The following CSMD1 variants were observed in gnomAD, a reference collection of about 807,000 sequenced individuals.
CSMD1 encodes the protein CUB and Sushi multiple domains 1.
A neutral mutation model predicts 417.5 loss-of-function variants in CSMD1; 213 were observed. That is an observed-to-expected ratio of 0.51 (90% CI 0.46 to 0.57). CSMD1 has a LOEUF of 0.57. Ranked by LOEUF, CSMD1 falls within the 20% of genes least tolerant of loss-of-function variation. CSMD1 has a pLI of 0.00. For synonymous variants in CSMD1, 2,862 were observed against 1,736.8 expected, an observed-to-expected ratio of 1.65 and a Z score of -16.11; for missense variants, 6,923 against 4,529.7, an observed-to-expected ratio of 1.53 and a Z score of -15.17.
At chr8:4,067,414 G>A (rs113418479) in intron 3 of CSMD1, among the ~76,000 whole-genome samples, 2,559 of 152,190 alleles carry the variant, frequency 0.017, 81 homozygotes, top group African/African-American at 0.058. Context: ...CTAGACTAAT[G>A]AATATTTCCC....
intron 2 of CSMD1, among the ~76,000 whole-genome samples, chr8:4,579,029 G>T (rs1482048696): frequency 3.3e-5 from 5 of 151,462 alleles, no homozygotes; most frequent in Admixed American, 3.3e-4. Flanking sequence ...TCACATAAAG[G>T]CACAATGTTA....
rs1302906204 is a variant in CSMD1 at position 4,385,528 on chromosome 8, A to G, written c.415+34425T>C. Among the ~76,000 whole-genome samples, 4 of 152,192 alleles carry G rather than the reference A, an allele frequency of 2.6e-5. No homozygotes were observed. In the South Asian group the frequency reaches 8.3e-4, roughly 32 times the overall value. On this transcript the variant is annotated intron_variant, in intron 3 of 69. Coordinates refer to ENST00000635120, the MANE Select transcript of CSMD1 (RefSeq NM_033225.6). The stretch of plus-strand genomic sequence containing the variant: ...CCGTATTAGTAGTCTTAAGAATATT[A>G]ATCTCCTTTCATTTTTTTGGACTGC...
chr8:3,070,471 T>A (rs1333396849), intron 49 of CSMD1, among the ~76,000 whole-genome samples: 1 of 152,220 alleles, frequency 6.6e-6, no homozygotes, highest in Non-Finnish European at 1.5e-5. Context: ...GTTTTGCTGC[T>A]TTGAAATTTC....
chr8:3,301,044 G>C (rs964963195), intron 25 of CSMD1, among the ~76,000 whole-genome samples: 9 of 150,690 alleles, frequency 6.0e-5, no homozygotes, highest in Admixed American at 6.0e-4. Context: ...AATGGTACAT[G>C]TCCACACCAC....
intron 1 of CSMD1, among the ~76,000 whole-genome samples, chr8:4,884,883 T>C (rs1803639796): frequency 6.6e-6 from 1 of 152,116 alleles, no homozygotes; most frequent in African/African-American, 2.4e-5. Context: ...TAGGGTCAGC[T>C]TATCAATTTT....
chr8:4,930,146 G>C (rs1389949509), intron 1 of CSMD1, among the ~76,000 whole-genome samples: 6 of 152,090 alleles, frequency 3.9e-5, no homozygotes, highest in African/African-American at 1.2e-4. Flanking sequence ...GATTGGTTTA[G>C]GTTCTAGATT....
chr8:4,506,106 C>A (rs1048086605), intron 2 of CSMD1, among the ~76,000 whole-genome samples: 4 of 152,152 alleles, frequency 2.6e-5, no homozygotes, highest in African/African-American at 9.7e-5. Flanking sequence ...CCACAATAGT[C>A]TTTCTAGGAG....
intron 3 of CSMD1, among the ~76,000 whole-genome samples, chr8:4,362,636 C>CTCTGGTAGCCTCTACTGGCTA (rs2128908321): frequency 6.6e-6 from 1 of 152,220 alleles, no homozygotes; most frequent in Admixed American, 6.5e-5. Flanking sequence ...GTTTGCTACC[C>CTCTGGTAGCCTCTACTGGCTA]CCTCTACTGG....
At chr8:4,110,251 G>C (rs755168784) in intron 3 of CSMD1, among the ~76,000 whole-genome samples, 1 of 152,038 alleles carries the variant, frequency 6.6e-6, no homozygotes, top group Non-Finnish European at 1.5e-5. Context: ...TGAAAGCTTG[G>C]CAACGAAACA....
intron 20 of CSMD1, among the ~76,000 whole-genome samples, chr8:3,364,112 G>T (rs535919516): frequency 6.6e-6 from 1 of 152,142 alleles, no homozygotes; most frequent in East Asian, 1.9e-4. Context: ...CTCTGGATGG[G>T]TAAATGCCTC....
At chr8:4,908,048 A>T (rs1322221875) in intron 1 of CSMD1, among the ~76,000 whole-genome samples, 1 of 152,188 alleles carries the variant, frequency 6.6e-6, no homozygotes, top group African/African-American at 2.4e-5. Flanking sequence ...AATGTACAAT[A>T]GTTTTCCATT....
chr8:4,709,767 G>C (rs559334159), intron 1 of CSMD1, among the ~76,000 whole-genome samples: 1 of 152,192 alleles, frequency 6.6e-6, no homozygotes, highest in African/African-American at 2.4e-5. Flanking sequence ...CGTCCCTATG[G>C]CTCCCAGGGA....
intron 7 of CSMD1, among the ~76,000 whole-genome samples, chr8:3,669,669 T>C (rs1481705): frequency 0.66 from 99,892 of 151,690 alleles, 33,237 homozygotes; most frequent in African/African-American, 0.75. Context: ...AGATGTTAGC[T>C]CAGCACCTAT....
intron 1 of CSMD1, among the ~76,000 whole-genome samples, chr8:4,734,437 G>C (rs2099131029): frequency 1.3e-5 from 2 of 152,154 alleles, no homozygotes; most frequent in African/African-American, 2.4e-5. Flanking sequence ...AAGGTGAAAA[G>C]TTGAATAGGA....
chr8:4,543,823 T>C (rs886644320), intron 2 of CSMD1, among the ~76,000 whole-genome samples: 2 of 152,104 alleles, frequency 1.3e-5, no homozygotes, highest in Admixed American at 6.6e-5. Context: ...ATTTTAACCA[T>C]TCTACTAGGA....
intron 26 of CSMD1, among the ~76,000 whole-genome samples, chr8:3,267,084 G>A (rs1003017418): frequency 6.6e-6 from 1 of 151,566 alleles, no homozygotes; most frequent in Non-Finnish European, 1.5e-5. Context: ...AAGCCAGAGA[G>A]AGGGAAGGGT....
At chr8:3,691,528 A>G (rs1016506271) in intron 7 of CSMD1, among the ~76,000 whole-genome samples, 3 of 152,212 alleles carry the variant, frequency 2.0e-5, no homozygotes, top group Non-Finnish European at 4.4e-5. Context: ...GCCAAGGAGG[A>G]AGCTCAGGAC....
At chr8:4,315,309 G>C (rs1798858197) in intron 3 of CSMD1, among the ~76,000 whole-genome samples, 1 of 152,134 alleles carries the variant, frequency 6.6e-6, no homozygotes, top group Non-Finnish European at 1.5e-5. Flanking sequence ...TTTACCCTAA[G>C]GTCCACAGCG....
At chr8:3,046,797 T>A (rs545047966) in intron 50 of CSMD1, among the ~76,000 whole-genome samples, 1 of 152,232 alleles carries the variant, frequency 6.6e-6, no homozygotes, top group Admixed American at 6.5e-5. Flanking sequence ...ATATGGCAAA[T>A]TCTTTGATAC....
Sources: allele counts gnomAD v4.1 joint callset (sites outside exome capture counted in the v4.1 genomes callset), GRCh38; gene constraint gnomAD v4.1.1; transcripts MANE v1.5; gene names NCBI Gene and HGNC (gene_info 2026-07-23, HGNC 2026-07-21).